The following NFIB variants were observed in gnomAD, a reference collection of about 807,000 sequenced individuals.
NFIB encodes the protein nuclear factor I B, also known as nuclear factor 1 B-type.
A neutral mutation model predicts 61.5 loss-of-function variants in NFIB; 11 were observed. That is an observed-to-expected ratio of 0.18 (90% CI 0.11 to 0.30). The LOEUF is 0.30. NFIB is among the 10% of genes least tolerant of loss of function. The pLI is 1.00. For synonymous variants in NFIB, 260 were observed against 216.5 expected (o/e 1.20, Z -1.76); for missense variants, 471 against 608.9 (o/e 0.77, Z 2.38).
the NFIB span, among the ~76,000 whole-genome samples, chr9:14,471,509 T>G: frequency 6.6e-6 from 1 of 152,356 alleles, no homozygotes; most frequent in Non-Finnish European, 1.5e-5. Flanking sequence ...AAGACTACAT[T>G]TGTTTCCCAA....
chr9:14,115,146 T>C (rs966657435), intron 9 of NFIB, among the ~76,000 whole-genome samples: 28 of 152,144 alleles, frequency 1.8e-4, no homozygotes, highest in African/African-American at 4.6e-4. Context: ...ATTTTTCTTA[T>C]AGGGTTCCTT....
At chr9:14,223,531 C>T (rs1389531842) in intron 2 of NFIB, among the ~76,000 whole-genome samples, 1 of 152,064 alleles carries the variant, frequency 6.6e-6, no homozygotes, top group East Asian at 1.9e-4. Flanking sequence ...AATGTAGAAA[C>T]CACTAATTAT....
intron 1 of NFIB, among the ~76,000 whole-genome samples, chr9:14,393,468 T>C (rs2061648955): frequency 1.3e-5 from 2 of 152,206 alleles, no homozygotes; most frequent in Non-Finnish European, 1.5e-5. Context: ...CACAGTCCTA[T>C]ACTGAAGGTT....
chr9:14,309,319 T>G (rs1022965809), intron 1 of NFIB, among the ~76,000 whole-genome samples: 5 of 152,256 alleles, frequency 3.3e-5, no homozygotes, highest in Admixed American at 6.5e-5. Context: ...GTTAGCTGTT[T>G]GCACTTCAGA....
chr9:14,402,152 T>C (rs1263615939), upstream of NFIB, among the ~76,000 whole-genome samples: 1 of 152,264 alleles, frequency 6.6e-6, no homozygotes, highest in East Asian at 1.9e-4. Flanking sequence ...TGATCACACA[T>C]TATCTTTAAA....
At chr9:14,174,603 T>C (rs771559864) in intron 3 of NFIB, among the ~76,000 whole-genome samples, 32 of 151,512 alleles carry the variant, frequency 2.1e-4, no homozygotes, top group Non-Finnish European at 4.1e-4. Flanking sequence ...CCATCTCTAC[T>C]AAAAATAGAA....
intron 1 of NFIB, among the ~76,000 whole-genome samples, chr9:14,379,516 T>A (rs1033486819): frequency 1.3e-5 from 2 of 152,176 alleles, no homozygotes; most frequent in African/African-American, 4.8e-5. Flanking sequence ...AAAATAAGAA[T>A]AATGTTTTGT....
the NFIB span, among the ~76,000 whole-genome samples, chr9:14,440,807 G>A: frequency 6.6e-6 from 1 of 152,162 alleles, no homozygotes; most frequent in South Asian, 2.1e-4. Flanking sequence ...TTTATAATCT[G>A]GGAACATTCA....
chr9:14,367,931 T>C (rs1412235454), intron 1 of NFIB, among the ~76,000 whole-genome samples: 2 of 152,062 alleles, frequency 1.3e-5, no homozygotes, highest in African/African-American at 2.4e-5. Flanking sequence ...CTAATGTAGA[T>C]GACAGGTTGA....
intron 1 of NFIB, among the ~76,000 whole-genome samples, chr9:14,358,429 G>GTT (rs1188366067): frequency 6.6e-6 from 1 of 152,108 alleles, no homozygotes; most frequent in African/African-American, 2.4e-5. Context: ...GAAAAACTGT[G>GTT]TTTTTTTCCA....
the NFIB span, among the ~76,000 whole-genome samples, chr9:14,438,994 G>C: frequency 6.6e-6 from 1 of 152,186 alleles, no homozygotes; most frequent in African/African-American, 2.4e-5. Flanking sequence ...AGAAAGAAAA[G>C]TGTCGGCCGG....
chr9:14,192,488 G>T (rs1199340999), intron 2 of NFIB, among the ~76,000 whole-genome samples: 2 of 152,096 alleles, frequency 1.3e-5, no homozygotes, highest in East Asian at 3.8e-4. Context: ...CCTGAACTCT[G>T]TTTCTGCAAA....
At chr9:14,496,761 C>T in the NFIB span, among the ~76,000 whole-genome samples, 1 of 152,208 alleles carries the variant, frequency 6.6e-6, no homozygotes, top group Non-Finnish European at 1.5e-5. Flanking sequence ...AGCCAGATTT[C>T]TCCCCAAGAA....
intron 1 of NFIB, among the ~76,000 whole-genome samples, chr9:14,311,887 G>C (rs561305856): frequency 3.3e-5 from 5 of 152,200 alleles, no homozygotes; most frequent in Non-Finnish European, 5.9e-5. Context: ...AGTTAACACA[G>C]CTTATCAGAA....
At chr9:14,217,660 C>CAAAAAAAAACAAAAAAAAAAAAAA (rs2051089873) in intron 2 of NFIB, among the ~76,000 whole-genome samples, 1 of 81,522 alleles carries the variant, frequency 1.2e-5, no homozygotes, top group African/African-American at 4.9e-5. Context: ...AACTCCATCT[C>CAAAAAAAAACAAAAAAAAAAAAAA]AAAAAAAAAA....
chr9:14,507,497 A>G, the NFIB span, among the ~76,000 whole-genome samples: 70,412 of 152,032 alleles, frequency 0.46, 16,707 homozygotes, highest in East Asian at 0.65. Context: ...TCAAGTAAAC[A>G]TGAGAAAAAT....
At chr9:14,474,484 C>G in the NFIB span, among the ~76,000 whole-genome samples, 2 of 152,302 alleles carry the variant, frequency 1.3e-5, no homozygotes, top group Admixed American at 1.3e-4. Flanking sequence ...CCATCTATAG[C>G]ATTCGCCCCG....
chr9:14,247,842 GGT>G (rs2055104589), intron 2 of NFIB, among the ~76,000 whole-genome samples: 1 of 151,878 alleles, frequency 6.6e-6, no homozygotes, highest in African/African-American at 2.4e-5. Flanking sequence ...GCAGGAACAG[GGT>G]GTTCTTATTA....
rs372449946 is a variant in NFIB at position 14,234,815 on chromosome 9, T to TTG, written c.563-55036_563-55035insCA. Among the ~76,000 whole-genome samples the TTG allele has an allele frequency of 2.3e-3, 353 of 151,062 alleles. 1 individual carries two copies. The highest frequency in any genetic ancestry group is 0.015 in the South Asian group (70 of 4,798). On this transcript the variant is annotated intron_variant, in intron 2 of 10. Transcript: ENST00000380953. ...GAAATTTTTTTTTTGGTTTTTTTTT[T>TTG]GGGTATGTTTTAACTATTTCAACAT...
Sources: allele counts gnomAD v4.1 joint callset (sites outside exome capture counted in the v4.1 genomes callset), GRCh38; gene constraint gnomAD v4.1.1; transcripts MANE v1.5; gene names NCBI Gene and HGNC (gene_info 2026-07-23, HGNC 2026-07-21).